Variants in C8orf34 observed in about 807,000 individuals in gnomAD.
C8orf34 encodes the protein uncharacterized protein C8orf34.
In C8orf34, 65 loss-of-function variants were observed where a neutral mutation model predicts 68.3. That is an observed-to-expected ratio of 0.95 (90% CI 0.78 to 1.17). C8orf34 has a LOEUF of 1.17. C8orf34 is among the 50% of genes most tolerant of loss of function. The pLI is 0.00. For synonymous variants in C8orf34, 244 were observed against 241.2 expected, an observed-to-expected ratio of 1.01 and a Z score of -0.11; for missense variants, 664 against 655.4, an observed-to-expected ratio of 1.01 and a Z score of -0.14.
At chr8:68,658,159 A>C (rs924149388) in intron 8 of C8orf34, among the ~76,000 whole-genome samples, 1 of 152,166 alleles carries the variant, frequency 6.6e-6, no homozygotes, top group African/African-American at 2.4e-5. Context: ...TCATTTTTTA[A>C]AAAATTGCTT....
At chr8:68,506,611 G>T (rs1201998772) in intron 5 of C8orf34, among the ~76,000 whole-genome samples, 6 of 152,068 alleles carry the variant, frequency 3.9e-5, no homozygotes, top group African/African-American at 1.4e-4. Context: ...GATCCTGGAT[G>T]CCAACCTTTG....
In C8orf34 at chr8:68,470,636, G is replaced by A. The variant is rs1280517272; in HGVS notation, c.736+1816G>A. Among the ~76,000 whole-genome samples the A allele has an allele frequency of 3.9e-5, 6 of 152,062 alleles. No homozygotes were observed. The South Asian group carries it at 8.3e-4, about 21-fold the overall frequency. On this transcript the variant is annotated intron_variant, in intron 4 of 13. Coordinates refer to ENST00000518698, the MANE Select transcript of C8orf34 (RefSeq NM_052958.4). ...AGTGACTTATTAACAACAGAAATTT[G>A]TTTCTTATAATTCTGGAGGGTGGAT... is the stretch of plus-strand genomic sequence containing the variant.
intron 8 of C8orf34, among the ~76,000 whole-genome samples, chr8:68,666,723 T>G (rs1359048342): frequency 1.3e-5 from 2 of 152,168 alleles, no homozygotes; most frequent in African/African-American, 4.8e-5. Flanking sequence ...TTTTCTTGTG[T>G]AGGTGTACTC....
intron 3 of C8orf34, among the ~76,000 whole-genome samples, chr8:68,457,520 A>G (rs193162070): frequency 9.5e-4 from 144 of 152,342 alleles, no homozygotes; most frequent in African/African-American, 3.2e-3. Context: ...ATATATAGGC[A>G]GTATCTCAAA....
At chr8:68,669,551 C>A (rs1353628396) in intron 8 of C8orf34, among the ~76,000 whole-genome samples, 1 of 152,114 alleles carries the variant, frequency 6.6e-6, no homozygotes, top group Non-Finnish European at 1.5e-5. Flanking sequence ...ATGAGGTGAA[C>A]AAATGGGAAA....
intron 1 of C8orf34, among the ~76,000 whole-genome samples, chr8:68,420,315 C>T (rs991304787): frequency 2.0e-5 from 3 of 152,062 alleles, no homozygotes; most frequent in Admixed American, 1.3e-4. Flanking sequence ...AGATACAGTA[C>T]ATTAATTCTC....
At chr8:68,767,090 A>G (rs914944480) in intron 10 of C8orf34, among the ~76,000 whole-genome samples, 1 of 152,152 alleles carries the variant, frequency 6.6e-6, no homozygotes, top group Middle Eastern at 3.2e-3. Context: ...GCTACTCGGG[A>G]GGCTAAGGCA....
intron 7 of C8orf34, chr8:68,535,218 G>A: frequency 1.0e-6 from 1 of 979,770 alleles, no homozygotes. Context: ...AAATTTATGT[G>A]AAATCTAATT....
intron 10 of C8orf34, among the ~76,000 whole-genome samples, chr8:68,748,997 A>T (rs1288592864): frequency 6.6e-6 from 1 of 152,014 alleles, no homozygotes; most frequent in Non-Finnish European, 1.5e-5. Context: ...CAAATGTCCA[A>T]CAATGATAGA....
chr8:68,520,441 G>GT (rs1241044545), intron 5 of C8orf34, among the ~76,000 whole-genome samples: 3 of 151,608 alleles, frequency 2.0e-5, no homozygotes, highest in Non-Finnish European at 2.9e-5. Context: ...AATTTTTATT[G>GT]TTTTTTTTAA....
chr8:68,616,964 G>A (rs1309399999), intron 7 of C8orf34, among the ~76,000 whole-genome samples: 1 of 152,196 alleles, frequency 6.6e-6, no homozygotes, highest in African/African-American at 2.4e-5. Flanking sequence ...TTATGAATCT[G>A]GGTGTTCCTG....
At chr8:68,764,838 T>C (rs1182357840) in intron 10 of C8orf34, among the ~76,000 whole-genome samples, 1 of 152,222 alleles carries the variant, frequency 6.6e-6, no homozygotes, top group Non-Finnish European at 1.5e-5. Flanking sequence ...TGTTCCTTTA[T>C]TAATCAATCT....
At chr8:68,360,126 T>C (rs1176037808) in intron 1 of C8orf34, among the ~76,000 whole-genome samples, 1 of 152,214 alleles carries the variant, frequency 6.6e-6, no homozygotes, top group Non-Finnish European at 1.5e-5. Flanking sequence ...CATTCTTTCT[T>C]TTCTCTCCTT....
At position 68,331,270 on chromosome 8, in the gene C8orf34, C is replaced by G. The variant is rs1443593159; in HGVS notation, c.258C>G (p.Pro86=). ...PALSSRSHLF[P]MASHPQTRIQ... ...TCTCTTCGCGGTCCCATCTGTTCCCCATGGCGTCTCATCCGCAAACCCGGA... is the reference window on the plus strand; with the variant it reads ...TCTCTTCGCGGTCCCATCTGTTCCCGATGGCGTCTCATCCGCAAACCCGGA... Residue 86 remains proline, a synonymous_variant, in exon 1 of 14, where the codon CCC becomes CCG. Coordinates refer to ENST00000518698, the MANE Select transcript of C8orf34 (RefSeq NM_052958.4). 2 of 1,536,436 alleles carry G rather than the reference C, an allele frequency of 1.3e-6. No individual in the cohort carries two copies. The highest frequency in any genetic ancestry group is 4.9e-5 in the East Asian group (2 of 40,906).
intron 7 of C8orf34, among the ~76,000 whole-genome samples, chr8:68,596,660 T>G (rs1459593201): frequency 3.3e-5 from 5 of 152,164 alleles, no homozygotes. Context: ...TATCTGTGGG[T>G]TAGTGCAGTA....
At chr8:68,463,497 A>C (rs998041725) in intron 3 of C8orf34, among the ~76,000 whole-genome samples, 3 of 152,204 alleles carry the variant, frequency 2.0e-5, no homozygotes, top group African/African-American at 7.2e-5. Flanking sequence ...AAAAAAGAGA[A>C]TTTTAGACCA....
chr8:68,425,419 G>A (rs1810166715), intron 1 of C8orf34, among the ~76,000 whole-genome samples: 1 of 152,088 alleles, frequency 6.6e-6, no homozygotes, highest in Non-Finnish European at 1.5e-5. Context: ...GTTCAATATA[G>A]ATACATGATC....
intron 8 of C8orf34, among the ~76,000 whole-genome samples, chr8:68,651,036 C>A (rs937651197): frequency 6.6e-6 from 1 of 152,068 alleles, no homozygotes; most frequent in Admixed American, 6.5e-5. Context: ...TAAAAGGAAG[C>A]CTTGCTGAGG....
intron 8 of C8orf34, among the ~76,000 whole-genome samples, chr8:68,653,790 T>A (rs1254609626): frequency 2.0e-5 from 3 of 152,108 alleles, no homozygotes; most frequent in Non-Finnish European, 2.9e-5. Flanking sequence ...TTTCAACATA[T>A]GAATTCAGGG....
Sources: allele counts gnomAD v4.1 joint callset (sites outside exome capture counted in the v4.1 genomes callset), GRCh38; gene constraint gnomAD v4.1.1; transcripts MANE v1.5; gene names NCBI Gene and HGNC (gene_info 2026-07-23, HGNC 2026-07-21).